The following BACH2 variants were observed in gnomAD, a reference collection of about 807,000 sequenced individuals.
BACH2 encodes the protein transcription regulator protein BACH2.
Under a neutral mutation model 61.8 loss-of-function variants are expected in BACH2, and 5 were observed. The observed-to-expected ratio is 0.08, with a 90% confidence interval of 0.04 to 0.17. The LOEUF is 0.17. Among genes scored for constraint, BACH2 ranks in the 10% least tolerant of loss-of-function variants. The pLI is 1.00. For missense variants in BACH2, 824 were observed against 1,091.1 expected, an observed-to-expected ratio of 0.76 and a Z score of 3.45; for synonymous variants, 446 against 440.1, an observed-to-expected ratio of 1.01 and a Z score of -0.17.
chr6:89,943,956 T>C (rs779215691), intron 7 of BACH2, among the ~76,000 whole-genome samples: 4 of 152,162 alleles, frequency 2.6e-5, no homozygotes, highest in South Asian at 2.1e-4. Flanking sequence ...AATATGCCCA[T>C]TGGAGATGAT....
At chr6:90,145,887 A>C (rs1444280951) in intron 4 of BACH2, among the ~76,000 whole-genome samples, 10 of 152,206 alleles carry the variant, frequency 6.6e-5, no homozygotes, top group Admixed American at 6.5e-4. Flanking sequence ...CCGGTAGAGG[A>C]AGACAATGTC....
intron 5 of BACH2, among the ~76,000 whole-genome samples, chr6:90,011,932 ATGTGTGTGTGTGTGTG>A (rs71027919): frequency 2.4e-4 from 27 of 114,296 alleles, no homozygotes; most frequent in South Asian, 6.0e-4. Flanking sequence ...AAAAAAAAAT[ATGTGTGTGTGTGTGTG>A]TGTGTGTGTG....
intron 5 of BACH2, among the ~76,000 whole-genome samples, chr6:90,066,050 CTTTTA>C: frequency 6.6e-6 from 1 of 152,152 alleles, no homozygotes; most frequent in East Asian, 1.9e-4. Context: ...ATGCTGCCTA[CTTTTA>C]TGTCTATGTA....
intron 6 of BACH2, among the ~76,000 whole-genome samples, chr6:89,988,096 G>A (rs1032605503): frequency 1.3e-5 from 2 of 152,158 alleles, no homozygotes; most frequent in African/African-American, 4.8e-5. Flanking sequence ...AACACAGGGA[G>A]CATTGATAGG....
At chr6:89,978,193 A>C (rs944163368) in intron 6 of BACH2, among the ~76,000 whole-genome samples, 4 of 152,250 alleles carry the variant, frequency 2.6e-5, no homozygotes, top group African/African-American at 9.6e-5. Context: ...AGACAAAGAG[A>C]CAAATTAATC....
rs776828555 is a variant in BACH2 at position 89,938,287 on chromosome 6, T to C, written c.1900A>G (p.Ile634Val). 6 of 1,614,256 alleles carry C rather than the reference T, an allele frequency of 3.7e-6. No individual in the cohort carries two copies. The South Asian group carries it at 6.6e-5, about 18-fold the overall frequency. ...DLPRNDFQMM[I>V]KMHKLTSEQL... ...TCTGAGGTTAGCTTGTGCATTTTAA[T>C]CATCATCTGGAAATCGTTCCTTGGA... Residue 634 changes from isoleucine (I) to valine (V), a missense_variant, in exon 8 of 9, where the codon ATT becomes GTT. By Grantham distance (29) the Ile-to-Val change is conservative (BLOSUM62 3). This residue lies in a region of BACH2 where 160 missense variants were observed against 283.5 expected (regional missense o/e 0.56). Transcript: ENST00000257749.
chr6:90,009,702 C>T (rs917361162), intron 5 of BACH2, among the ~76,000 whole-genome samples: 9 of 152,160 alleles, frequency 5.9e-5, no homozygotes, highest in Non-Finnish European at 8.8e-5. Context: ...TTGTTCTTGT[C>T]GCCCAGGCTG....
intron 7 of BACH2, among the ~76,000 whole-genome samples, chr6:89,941,650 G>A (rs1009353645): frequency 6.6e-6 from 1 of 152,146 alleles, no homozygotes; most frequent in Admixed American, 6.5e-5. Flanking sequence ...GATCCTGCAC[G>A]GTGTCTCCGG....
chr6:89,954,071 T>C (rs1774275328), intron 6 of BACH2, among the ~76,000 whole-genome samples: 1 of 152,282 alleles, frequency 6.6e-6, no homozygotes, highest in Non-Finnish European at 1.5e-5. Flanking sequence ...GACAAGAATG[T>C]CACATGACCT....
chr6:90,049,647 A>G (rs977630087), intron 5 of BACH2, among the ~76,000 whole-genome samples: 1 of 152,214 alleles, frequency 6.6e-6, no homozygotes, highest in African/African-American at 2.4e-5. Flanking sequence ...GCACCAAACT[A>G]TCAGTTCTTC....
intron 5 of BACH2, among the ~76,000 whole-genome samples, chr6:90,083,404 C>A (rs1781802849): frequency 6.6e-6 from 1 of 152,180 alleles, no homozygotes; most frequent in African/African-American, 2.4e-5. Context: ...GGTAACATCA[C>A]TCCTCTCTGT....
At chr6:90,130,304 A>T (rs1267084445) in intron 4 of BACH2, among the ~76,000 whole-genome samples, 2 of 152,178 alleles carry the variant, frequency 1.3e-5, no homozygotes, top group African/African-American at 2.4e-5. Flanking sequence ...CATGCCCAGG[A>T]TACAGGTGAC....
intron 1 of BACH2, among the ~76,000 whole-genome samples, chr6:90,277,524 G>A (rs9451372): frequency 0.052 from 7,923 of 152,260 alleles, 690 homozygotes; most frequent in African/African-American, 0.18. Context: ...TTTCTAGGGC[G>A]CTGATAATGC....
intron 8 of BACH2, among the ~76,000 whole-genome samples, chr6:89,936,291 G>A (rs1371361528): frequency 1.3e-5 from 2 of 152,174 alleles, no homozygotes; most frequent in East Asian, 3.8e-4. Flanking sequence ...GCTTCCTAGA[G>A]AGGTGATGCA....
rs557083745 is a variant in BACH2 at position 89,952,579 on chromosome 6, C to T, written c.244-717G>A. On this transcript the variant is annotated intron_variant, in intron 6 of 8. Coordinates refer to ENST00000257749, the MANE Select transcript of BACH2 (RefSeq NM_021813.4). ...ATGGGGGTTGCAGAGTTAAACAAAC[C>T]GGCTCTCATTTAAATGGTTGAAGCT... Among the ~76,000 whole-genome samples, 14 of 152,234 alleles carry T rather than the reference C, an allele frequency of 9.2e-5. No individual in the cohort carries two copies. In the East Asian group the frequency reaches 2.3e-3, roughly 25 times the overall value.
At chr6:90,100,704 C>CACACACACACACACACACACAG (rs1562443987) in intron 4 of BACH2, among the ~76,000 whole-genome samples, 42 of 66,354 alleles carry the variant, frequency 6.3e-4, no homozygotes, top group East Asian at 4.9e-3. Flanking sequence ...CACACACAGA[C>CACACACACACACACACACACAG]ACACACACAC....
At chr6:90,266,051 T>C (rs1010847086) in intron 2 of BACH2, among the ~76,000 whole-genome samples, 2 of 152,152 alleles carry the variant, frequency 1.3e-5, no homozygotes, top group African/African-American at 4.8e-5. Context: ...GCCCAGGTAC[T>C]ATGTGGGCAC....
At chr6:89,989,598 G>C (rs1776432704) in intron 6 of BACH2, among the ~76,000 whole-genome samples, 1 of 152,172 alleles carries the variant, frequency 6.6e-6, no homozygotes, top group Admixed American at 6.5e-5. Context: ...AGTTGCAGGA[G>C]AAGGTCCTCC....
At chr6:90,139,610 G>A (rs182521613) in intron 4 of BACH2, among the ~76,000 whole-genome samples, 64 of 152,266 alleles carry the variant, frequency 4.2e-4, no homozygotes, top group Admixed American at 4.2e-3. Flanking sequence ...GGGAGGAGGG[G>A]TAGGGGTTGG....
Sources: gnomAD v4.1 joint callset for allele counts (sites outside exome capture counted in the v4.1 genomes callset) on GRCh38, gnomAD v4.1.1 for gene constraint, gnomAD v4.1.1 regional missense constraint, MANE v1.5 for transcripts, NCBI Gene and HGNC (gene_info 2026-07-23, HGNC 2026-07-21) for gene names.